Variants in NUBPL observed in about 807,000 individuals in gnomAD.
NUBPL encodes the protein NUBP iron-sulfur cluster assembly factor, mitochondrial, also known as iron-sulfur cluster transfer protein NUBPL.
In NUBPL, 31 loss-of-function variants were observed where a neutral mutation model predicts 45.7. The ratio of observed to expected loss-of-function variants is 0.68; its 90% CI spans 0.51 to 0.92. NUBPL has a LOEUF of 0.92. Among genes scored for constraint, NUBPL ranks in the 40% least tolerant of loss-of-function variants. NUBPL has a pLI of 0.00. For synonymous variants in NUBPL, 144 were observed against 140.9 expected, an observed-to-expected ratio of 1.02 and a Z score of -0.15; for missense variants, 401 against 398.7, an observed-to-expected ratio of 1.01 and a Z score of -0.05.
chr14:31,666,265 T>TATATATTTATTA (rs1566487244), intron 4 of NUBPL, among the ~76,000 whole-genome samples: 1 of 28,902 alleles, frequency 3.5e-5, no homozygotes, highest in African/African-American at 8.0e-5. Flanking sequence ...ATATATATAA[T>TATATATTTATTA]TTTATTTTAT....
chr14:31,575,464 T>C (rs1434826169), intron 3 of NUBPL, among the ~76,000 whole-genome samples: 3 of 152,228 alleles, frequency 2.0e-5, no homozygotes, highest in Non-Finnish European at 2.9e-5. Flanking sequence ...AAATAACTCA[T>C]GTAAAGCACT....
chr14:31,683,927 GCTA>G, intron 6 of NUBPL, among the ~76,000 whole-genome samples: 1 of 151,928 alleles, frequency 6.6e-6, no homozygotes, highest in East Asian at 1.9e-4. Context: ...GCCTTCAACT[GCTA>G]CTACCATAGT....
intron 9 of NUBPL, 77 bp downstream of exon 9, chr14:31,846,668 T>C (rs2040457773): frequency 6.3e-7 from 1 of 1,587,090 alleles, no homozygotes; most frequent in Non-Finnish European, 8.6e-7. Context: ...ATTAAGAGTG[T>C]CTCAGAGGCC....
chr14:31,602,405 GAAA>G (rs35973457), intron 4 of NUBPL, among the ~76,000 whole-genome samples: 1 of 145,176 alleles, frequency 6.9e-6, no homozygotes, highest in Admixed American at 6.8e-5. Flanking sequence ...AAAAAAAAAA[GAAA>G]AAAAAAGCAG....
intron 8 of NUBPL, among the ~76,000 whole-genome samples, chr14:31,840,593 A>AAAG (rs34690695): frequency 0.42 from 61,946 of 147,042 alleles, 13,681 homozygotes; most frequent in South Asian, 0.54. Flanking sequence ...AAAAAAAAGA[A>AAAG]AAAGAAAGAA....
chr14:31,702,466 A>T (rs898883877), intron 6 of NUBPL, among the ~76,000 whole-genome samples: 2 of 152,216 alleles, frequency 1.3e-5, no homozygotes, highest in African/African-American at 4.8e-5. Flanking sequence ...TAGAGATTAC[A>T]TCCTAGAAGC....
chr14:31,834,138 T>C (rs1402699406), intron 8 of NUBPL, among the ~76,000 whole-genome samples: 1 of 146,658 alleles, frequency 6.8e-6, no homozygotes, highest in African/African-American at 2.5e-5. Context: ...ATTTTTCTGC[T>C]AAAAACAAAA....
intron 7 of NUBPL, among the ~76,000 whole-genome samples, chr14:31,799,947 C>T (rs1455086137): frequency 1.3e-5 from 2 of 152,344 alleles, no homozygotes; most frequent in East Asian, 3.9e-4. Flanking sequence ...TCAGTCTTCT[C>T]AAGCCATGCT....
At chr14:31,678,944 C>G (rs2139826501) in intron 6 of NUBPL, among the ~76,000 whole-genome samples, 1 of 152,300 alleles carries the variant, frequency 6.6e-6, no homozygotes, top group African/African-American at 2.4e-5. Context: ...GGTGTTGAGG[C>G]TTGCTGGAAC....
intron 7 of NUBPL, among the ~76,000 whole-genome samples, chr14:31,798,580 CG>C (rs2039515009): frequency 6.6e-6 from 1 of 150,956 alleles, no homozygotes; most frequent in Non-Finnish European, 1.5e-5. Flanking sequence ...ATCATGGGGT[CG>C]GGAGAACGAG....
intron 4 of NUBPL, among the ~76,000 whole-genome samples, chr14:31,656,660 T>C (rs1271736470): frequency 1.3e-5 from 2 of 152,148 alleles, no homozygotes; most frequent in Non-Finnish European, 2.9e-5. Context: ...TAGGTTTGCA[T>C]CTTATGTGGG....
chr14:31,588,035 T>G (rs558944199), intron 3 of NUBPL, among the ~76,000 whole-genome samples: 5 of 152,334 alleles, frequency 3.3e-5, no homozygotes, highest in African/African-American at 1.2e-4. Context: ...GATGCTAACA[T>G]TGAGTACATA....
intron 7 of NUBPL, among the ~76,000 whole-genome samples, chr14:31,797,856 T>A (rs1285872961): frequency 7.5e-6 from 1 of 132,954 alleles, no homozygotes; most frequent in Non-Finnish European, 1.6e-5. Context: ...TTGGCATGAT[T>A]TTGCAGCGGC....
At chr14:31,815,174 G>A (rs1215850716) in intron 7 of NUBPL, among the ~76,000 whole-genome samples, 1 of 152,046 alleles carries the variant, frequency 6.6e-6, no homozygotes, top group Non-Finnish European at 1.5e-5. Context: ...CATGAACATG[G>A]AATTTTTTTT....
At chr14:31,838,864 C>A in intron 8 of NUBPL, among the ~76,000 whole-genome samples, 1 of 152,106 alleles carries the variant, frequency 6.6e-6, no homozygotes, top group East Asian at 1.9e-4. Flanking sequence ...TTTCAAGTAT[C>A]CAGTAGCCAG....
intron 6 of NUBPL, among the ~76,000 whole-genome samples, chr14:31,743,540 C>T (rs1360379324): frequency 6.6e-6 from 1 of 152,020 alleles, no homozygotes; most frequent in African/African-American, 2.4e-5. Flanking sequence ...CCACCACGCC[C>T]AGCTAATTTT....
In NUBPL at chr14:31,793,831, TTTTTTTTTTA is replaced by T. The variant is rs1318893627; in HGVS notation, c.607+5968_607+5977del. On this transcript the variant is annotated intron_variant, in intron 7 of 10. Coordinates refer to ENST00000281081, the MANE Select transcript of NUBPL (RefSeq NM_025152.3). ...GGATTTGTGCCCCCTTATCTTTCTT[TTTTTTTTTTA>T]TTTTTTTTTTTATTTTTTCCCAATG... Among the ~76,000 whole-genome samples the T allele has an allele frequency of 1.1e-4, 15 of 130,834 alleles. 1 individual carries two copies. The highest frequency in any genetic ancestry group is 1.7e-4 in the African/African-American group (4 of 23,986). 85.8% of individuals were successfully genotyped at this position (130,834 alleles called of 152,430 possible).
intron 7 of NUBPL, among the ~76,000 whole-genome samples, chr14:31,802,086 G>A (rs1274858484): frequency 6.6e-6 from 1 of 152,120 alleles, no homozygotes; most frequent in African/African-American, 2.4e-5. Context: ...AGAAGTGATT[G>A]GGTCATCAGG....
chr14:31,619,093 C>G (rs2034989688), intron 4 of NUBPL, among the ~76,000 whole-genome samples: 1 of 152,128 alleles, frequency 6.6e-6, no homozygotes, highest in Non-Finnish European at 1.5e-5. Context: ...TTATCAGAGA[C>G]TAGGATCGCA....
Sources: allele counts gnomAD v4.1 joint callset (sites outside exome capture counted in the v4.1 genomes callset), GRCh38; gene constraint gnomAD v4.1.1; transcripts MANE v1.5; gene names NCBI Gene and HGNC (gene_info 2026-07-23, HGNC 2026-07-21).